The following TASP1 variants were observed in gnomAD, a reference collection of about 807,000 sequenced individuals.
TASP1 encodes threonine aspartase 1.
Under a neutral mutation model 56.6 loss-of-function variants are expected in TASP1, and 16 were observed. That is an observed-to-expected ratio of 0.28 (90% CI 0.19 to 0.43). TASP1 has a LOEUF of 0.43. Among genes scored for constraint, TASP1 ranks in the 20% least tolerant of loss-of-function variants. The pLI, the probability that TASP1 is intolerant of heterozygous loss-of-function variation, is 1.00. For synonymous variants in TASP1, 179 were observed against 184.2 expected (o/e 0.97, Z 0.23); for missense variants, 393 against 511.6 (o/e 0.77, Z 2.24).
At chr20:13,634,449 A>G (rs2049213685) in intron 1 of TASP1, among the ~76,000 whole-genome samples, 1 of 152,092 alleles carries the variant, frequency 6.6e-6, no homozygotes. Context: ...ATGTTCTAGG[A>G]CCAGGTGTGG....
At chr20:13,393,240 G>A in intron 13 of TASP1, 1 of 733,440 alleles carries the variant, frequency 1.4e-6, no homozygotes, top group Non-Finnish European at 2.5e-6. Flanking sequence ...GACTGTGGAT[G>A]GCCCCTCCGG....
chr20:13,252,713 C>T, the TASP1 span, among the ~76,000 whole-genome samples: 1 of 152,044 alleles, frequency 6.6e-6, no homozygotes, highest in Non-Finnish European at 1.5e-5. Context: ...CAAGACTGCA[C>T]CACTTGCACT....
intron 11 of TASP1, among the ~76,000 whole-genome samples, chr20:13,452,161 T>C (rs1341736049): frequency 6.6e-6 from 1 of 152,086 alleles, no homozygotes; most frequent in African/African-American, 2.4e-5. Context: ...ATAAAAAAGC[T>C]TGAGATATTG....
At chr20:13,500,270 T>TAC (rs1479157708) in intron 10 of TASP1, among the ~76,000 whole-genome samples, 4 of 145,576 alleles carry the variant, frequency 2.7e-5, no homozygotes, top group East Asian at 4.0e-4. Context: ...TGTGTATATA[T>TAC]ATATATACAC....
chr20:13,472,495 C>A (rs1010736028), intron 11 of TASP1, among the ~76,000 whole-genome samples: 11 of 150,800 alleles, frequency 7.3e-5, no homozygotes, highest in Non-Finnish European at 1.3e-4. Flanking sequence ...GGATCTAATT[C>A]GACTAAAGAG....
At chr20:13,442,306 A>G (rs954787586) in intron 11 of TASP1, among the ~76,000 whole-genome samples, 6 of 151,966 alleles carry the variant, frequency 3.9e-5, no homozygotes, top group African/African-American at 1.5e-4. Flanking sequence ...ACACACACAC[A>G]CACACACACC....
chr20:13,140,489 C>A, the TASP1 span, among the ~76,000 whole-genome samples: 16 of 152,290 alleles, frequency 1.1e-4, no homozygotes, highest in African/African-American at 3.4e-4. Flanking sequence ...AAACTAGAGA[C>A]TTCCTATCAG....
chr20:13,594,560 T>C lies in TASP1; in HGVS notation c.283-7190A>G, dbSNP rs1458897459. Among the ~76,000 whole-genome samples, 3 of 152,152 alleles carry C rather than the reference T, an allele frequency of 2.0e-5. No homozygotes were observed. In the South Asian group the frequency reaches 6.2e-4, roughly 31 times the overall value. ...CCTGATGGAGCTGAAAACCATGGCA[T>C]GAGAACTTTGTGACACACGCACAAT... On this transcript the variant is annotated intron_variant, in intron 4 of 13. Coordinates refer to ENST00000337743, the MANE Select transcript of TASP1 (RefSeq NM_017714.3).
intron 11 of TASP1, among the ~76,000 whole-genome samples, chr20:13,451,748 T>G (rs1409060175): frequency 1.3e-5 from 2 of 152,092 alleles, no homozygotes; most frequent in Non-Finnish European, 2.9e-5. Flanking sequence ...GAGTAGCACT[T>G]TTTAATTTCC....
At chr20:13,122,694 G>A in the TASP1 span, among the ~76,000 whole-genome samples, 1 of 152,170 alleles carries the variant, frequency 6.6e-6, no homozygotes, top group Non-Finnish European at 1.5e-5. Context: ...GGAACCTCAG[G>A]CCACCAGGGA....
At chr20:13,380,768 C>A in the TASP1 span, among the ~76,000 whole-genome samples, 2 of 152,300 alleles carry the variant, frequency 1.3e-5, no homozygotes, top group African/African-American at 2.4e-5. Flanking sequence ...TTCAGAGATG[C>A]CCTGCCCAGA....
chr20:13,399,676 T>C (rs927415890), intron 13 of TASP1, among the ~76,000 whole-genome samples: 1 of 152,172 alleles, frequency 6.6e-6, no homozygotes, highest in African/African-American at 2.4e-5. Context: ...ATCACTCACC[T>C]CTATGGCAAC....
At chr20:13,164,299 A>C in the TASP1 span, 3 of 468,706 alleles carry the variant, frequency 6.4e-6, no homozygotes, top group Non-Finnish European at 1.3e-5. Context: ...GGGTAGCATG[A>C]GAGGACAGAG....
chr20:13,337,575 G>A, the TASP1 span, among the ~76,000 whole-genome samples: 9 of 152,134 alleles, frequency 5.9e-5, no homozygotes, highest in Admixed American at 4.6e-4. Context: ...TTATGCTGTC[G>A]TGGCTTTCAG....
the TASP1 span, among the ~76,000 whole-genome samples, chr20:13,230,689 T>C: frequency 6.6e-6 from 1 of 151,972 alleles, no homozygotes; most frequent in South Asian, 2.1e-4. Flanking sequence ...GGGGTGTCGG[T>C]TTAGTGCCCA....
chr20:13,350,649 T>A, the TASP1 span, among the ~76,000 whole-genome samples: 1 of 152,088 alleles, frequency 6.6e-6, no homozygotes, highest in Non-Finnish European at 1.5e-5. Flanking sequence ...AATTCAATAG[T>A]ACATAAACAA....
chr20:13,254,254 T>TAAAG, the TASP1 span, among the ~76,000 whole-genome samples: 3 of 151,306 alleles, frequency 2.0e-5, no homozygotes, highest in Non-Finnish European at 4.4e-5. Flanking sequence ...AATAAATAAA[T>TAAAG]AAAGCAAATG....
chr20:13,318,486 C>G, the TASP1 span, among the ~76,000 whole-genome samples: 1 of 152,128 alleles, frequency 6.6e-6, no homozygotes. Flanking sequence ...GGTATTTACC[C>G]AAAAAACTTG....
intron 3 of TASP1, among the ~76,000 whole-genome samples, 178 bp downstream of exon 3, chr20:13,625,006 AC>A (rs2048836967): frequency 6.6e-6 from 1 of 152,202 alleles, no homozygotes; most frequent in South Asian, 2.1e-4. Context: ...GAGCTAAGCA[AC>A]ATGTGGAGAA....
Sources: allele counts gnomAD v4.1 joint callset (sites outside exome capture counted in the v4.1 genomes callset), GRCh38; gene constraint gnomAD v4.1.1; transcripts MANE v1.5; gene names NCBI Gene and HGNC (gene_info 2026-07-23, HGNC 2026-07-21).